Variants in TP73 observed in about 807,000 individuals in gnomAD.
TP73 encodes the protein tumor protein p73, also known as p53-like transcription factor.
Under a neutral mutation model 62.5 loss-of-function variants are expected in TP73, and 25 were observed. The observed-to-expected ratio is 0.40, with a 90% CI of 0.29 to 0.56. The LOEUF (loss-of-function observed/expected upper bound fraction) is 0.56. Among genes scored for constraint, TP73 ranks in the 20% least tolerant of loss-of-function variants. The pLI is 0.46. For missense variants in TP73, 754 were observed against 913.3 expected (o/e 0.83, Z 2.25); for synonymous variants, 423 against 377.5 (o/e 1.12, Z -1.40).
At chr1:3,684,584 G>A (rs1337987062) in intron 3 of TP73, among the ~76,000 whole-genome samples, 1 of 152,178 alleles carries the variant, frequency 6.6e-6, no homozygotes, top group East Asian at 1.9e-4. Context: ...GTGGGGGAGT[G>A]TAGAGGTGGA....
chr1:3,710,801 T>C (rs1640079126), intron 4 of TP73, among the ~76,000 whole-genome samples: 2 of 152,194 alleles, frequency 1.3e-5, no homozygotes, highest in Admixed American at 1.3e-4. Context: ...CACAAGTACC[T>C]TATGCACACG....
rs1250982620 is a variant in TP73, at chr1:3,731,523, G to A, written c.1545G>A (p.Gln515=). The A allele has an allele frequency of 5.6e-6, 9 of 1,613,762 alleles. No individual in the cohort carries two copies. The highest frequency in any genetic ancestry group is 7.6e-6 in the Non-Finnish European group (9 of 1,180,030). The change falls in exon 13 of 14, where the codon CAG becomes CAA. Residue 515 remains glutamine, a synonymous_variant. Coordinates refer to ENST00000378295, the MANE Select transcript of TP73 (RefSeq NM_005427.4). ...CIEYFTSQGL[Q]SIYHLQNLTI... ...AGTATTTCACCTCCCAAGGGTTACA[G>A]AGCATTTACCACCTGCAGAACCTGA...
At position 3,677,689 on chromosome 1, in the gene TP73, C is replaced by CTTTTTTTTTTTTTTTTT. The variant is rs1215137164; in HGVS notation, c.-33-4644_-33-4643insTTTTTTTTTTTTTTTTT. Among the ~76,000 whole-genome samples, 3 of 137,224 alleles carry CTTTTTTTTTTTTTTTTT rather than the reference C, an allele frequency of 2.2e-5. 1 individual carries two copies. The highest frequency in any genetic ancestry group is 5.6e-5 in the African/African-American group (2 of 35,972). The allele number at this position is 137,224 out of a possible 152,430, so 90.0% of individuals were successfully genotyped here. A position where few individuals can be genotyped will look rare whatever the true frequency, so the allele number is the denominator to read the frequency against. On this transcript the variant is annotated intron_variant, in intron 1 of 13. Coordinates refer to ENST00000378295, the MANE Select transcript of TP73 (RefSeq NM_005427.4). ...CTCATTTATTTCATTTCCTTCCTTC[C>CTTTTTTTTTTTTTTTTT]CTTTTTTTTTTTTTTTTTTTTAGAG... is the stretch of plus-strand genomic sequence containing the variant.
intron 3 of TP73, chr1:3,698,217 A>AT: frequency 1.3e-6 from 1 of 786,056 alleles, no homozygotes; most frequent in Non-Finnish European, 1.5e-6. Context: ...CAGGGCTGAC[A>AT]CCTGGGTTGG....
At chr1:3,724,844 C>A (rs1181597440) in intron 6 of TP73, among the ~76,000 whole-genome samples, 1 of 152,188 alleles carries the variant, frequency 6.6e-6, no homozygotes, top group Non-Finnish European at 1.5e-5. Context: ...CAGGGCGAAA[C>A]CCTGTCTGTA....
At chr1:3,723,514 T>A in intron 6 of TP73, 45 bp downstream of exon 6, 4 of 721,618 alleles carry the variant, frequency 5.5e-6, no homozygotes, top group Non-Finnish European at 9.6e-6. Flanking sequence ...CAGTCAGCTG[T>A]ACGGGTCGGG....
chr1:3,675,464 G>A (rs1453314720), intron 1 of TP73, among the ~76,000 whole-genome samples: 1 of 152,200 alleles, frequency 6.6e-6, no homozygotes, highest in Non-Finnish European at 1.5e-5. Context: ...TTTAGGGGTG[G>A]CCCGGGGCGG....
At chr1:3,723,909 G>C (rs375408199) in intron 6 of TP73, among the ~76,000 whole-genome samples, 1 of 152,168 alleles carries the variant, frequency 6.6e-6, no homozygotes, top group African/African-American at 2.4e-5. Context: ...ATTCTACAAA[G>C]GGGGTTGAGG....
At position 3,733,051 on chromosome 1, in the gene TP73, A is replaced by C; in HGVS notation, c.1883A>C (p.Glu628Ala). 1 of 1,540,274 alleles carries C rather than the reference A, an allele frequency of 6.5e-7. No homozygotes were observed. Residue 628 changes from glutamate (E) to alanine (A), a missense_variant, in exon 14 of 14, where the codon GAG becomes GCG. By Grantham distance (107) the Glu-to-Ala change is moderately radical. This residue lies in a region of TP73 where 458 missense variants were observed against 528.7 expected (regional missense o/e 0.87). Transcript: ENST00000378295. ...AAGGCCCGCAAGCAGCCCATCAAGG[A>C]GGAGTTCACGGAGGCCGAGATCCAC... ...DCKARKQPIK[E>A]EFTEAEIH
At chr1:3,697,995 G>A (rs550137729) in intron 3 of TP73, 24 of 779,394 alleles carry the variant, frequency 3.1e-5, no homozygotes, top group East Asian at 1.3e-4. Context: ...TGCACTGCAC[G>A]TGTCATAATT....
intron 3 of TP73, chr1:3,690,944 G>A (rs755077036): frequency 1.2e-5 from 19 of 1,578,820 alleles, no homozygotes; most frequent in African/African-American, 5.4e-5. Context: ...ACCTCGCCAC[G>A]GTAGGTGTGA....
intron 3 of TP73, among the ~76,000 whole-genome samples, chr1:3,684,275 C>T (rs1490286991): frequency 6.6e-6 from 1 of 152,140 alleles, no homozygotes; most frequent in East Asian, 1.9e-4. Flanking sequence ...GTTTGCGCTG[C>T]GGAAAACCAG....
intron 1 of TP73, among the ~76,000 whole-genome samples, chr1:3,654,099 G>A (rs182475683): frequency 1.1e-4 from 16 of 152,302 alleles, no homozygotes; most frequent in African/African-American, 3.9e-4. Flanking sequence ...GCTTGAACCT[G>A]GGATGGAGAG....
At position 3,671,577 on chromosome 1, in the gene TP73, G is replaced by T. The variant is rs144244733; in HGVS notation, c.-33-10756G>T. On this transcript the variant is annotated intron_variant, in intron 1 of 13. Coordinates refer to ENST00000378295, the MANE Select transcript of TP73 (RefSeq NM_005427.4). ...GGGCCTCCAGAGGACGGGCTGCCTG[G>T]CGGGAAGGTGGAGCTCACCGGAGCC... Among the ~76,000 whole-genome samples, 248 of 152,354 alleles carry T rather than the reference G, an allele frequency of 1.6e-3. 2 individuals are homozygous for T. The highest frequency in any genetic ancestry group is 5.1e-3 in the African/African-American group (214 of 41,600).
In TP73 at chr1:3,733,978, G is replaced by A. The variant is rs960784310; in HGVS notation, c.*899G>A. On this transcript the variant is annotated 3_prime_UTR_variant, in exon 14 of 14. Coordinates refer to ENST00000378295, the MANE Select transcript of TP73 (RefSeq NM_005427.4). Reference sequence around the variant, plus strand: ...CATTCTCTTTGGAGTTCAACCTAGCGCCCATGAGCCAGGCTGAGGAAGCTG... The same window carrying A: ...CATTCTCTTTGGAGTTCAACCTAGCACCCATGAGCCAGGCTGAGGAAGCTG... 2 of 145,822 alleles carry A rather than the reference G, an allele frequency of 1.4e-5. No homozygotes were observed. The highest frequency in any genetic ancestry group is 2.2e-4 in the South Asian group (1 of 4,626). 9.0% of individuals were successfully genotyped at this position (145,822 alleles called of 1,614,324 possible). A position where few individuals can be genotyped will look rare whatever the true frequency, so the allele number is the denominator to read the frequency against.
rs556878510 is a variant in TP73 at position 3,653,291 on chromosome 1, C to A, written c.-34+650C>A. Among the ~76,000 whole-genome samples, 3 of 152,362 alleles carry A rather than the reference C, an allele frequency of 2.0e-5. No homozygotes were observed. The East Asian group carries it at 5.8e-4, about 29-fold the overall frequency. ...CCGGAGCGGTCCCAGGTAGAGAAAGCCCGTGAAGAAATGGCCCGGGCCGGC... is the reference window on the plus strand; with the variant it reads ...CCGGAGCGGTCCCAGGTAGAGAAAGACCGTGAAGAAATGGCCCGGGCCGGC... On this transcript the variant is annotated intron_variant, in intron 1 of 13. Transcript: ENST00000378295.
At chr1:3,684,867 G>A (rs1234479712) in intron 3 of TP73, among the ~76,000 whole-genome samples, 2 of 152,126 alleles carry the variant, frequency 1.3e-5, no homozygotes, top group Non-Finnish European at 2.9e-5. Context: ...GGGAAAGGGT[G>A]GGCTGGGGAT....
chr1:3,717,626 C>G (rs1398208806), intron 4 of TP73, among the ~76,000 whole-genome samples: 2 of 152,188 alleles, frequency 1.3e-5, no homozygotes, highest in Non-Finnish European at 2.9e-5. Flanking sequence ...TCCTCCTGCC[C>G]GTTTTCCACA....
At chr1:3,719,147 C>T (rs1293922567) in intron 4 of TP73, among the ~76,000 whole-genome samples, 1 of 152,202 alleles carries the variant, frequency 6.6e-6, no homozygotes, top group Non-Finnish European at 1.5e-5. Context: ...GGGGGTCTGC[C>T]GCGCCCTCCC....
Sources: gnomAD v4.1 joint callset for allele counts (sites outside exome capture counted in the v4.1 genomes callset) on GRCh38, gnomAD v4.1.1 for gene constraint, gnomAD v4.1.1 regional missense constraint, MANE v1.5 for transcripts, NCBI Gene and HGNC (gene_info 2026-07-23, HGNC 2026-07-21) for gene names.